TRIM37: variants seen among roughly 807,000 people sequenced by gnomAD.
The protein encoded by TRIM37 is tripartite motif containing 37.
A neutral mutation model predicts 129.8 loss-of-function variants in TRIM37; 80 were observed. The observed-to-expected ratio is 0.62, with a 90% CI of 0.51 to 0.74. TRIM37 has a LOEUF of 0.74. Ranked by LOEUF, TRIM37 falls within the 30% of genes least tolerant of loss-of-function variation. The pLI is 0.00. For synonymous variants in TRIM37, 389 were observed against 387.1 expected, an observed-to-expected ratio of 1.00 and a Z score of -0.06; for missense variants, 1,054 against 1,176.5, an observed-to-expected ratio of 0.90 and a Z score of 1.52.
chr17:59,059,280 G>T (rs997204057), intron 12 of TRIM37: 2 of 140,696 alleles, frequency 1.4e-5, no homozygotes, highest in Non-Finnish European at 3.1e-5. Flanking sequence ...GGCTGAGGCA[G>T]GAGAATTGCT....
Position 59,070,957 on chromosome 17 carries a change from GA to G in TRIM37, c.685-11del. 2 of 1,611,886 alleles carry G rather than the reference GA, an allele frequency of 1.2e-6. No individual in the cohort carries two copies. Among genetic ancestry groups the G allele is most frequent in the South Asian group, 1.1e-5 (1 of 90,454 alleles). ...TACTACAAGACCGCAACTGTGTGAG[GA>G]AAAAAATTATCTGAACAAACAAAAT... On this transcript the variant is annotated splice_polypyrimidine_tract_variant and intron_variant, in intron 8 of 23. Transcript: ENST00000262294.
At chr17:59,025,159 C>A (rs191811814) in intron 19 of TRIM37, among the ~76,000 whole-genome samples, 392 of 152,134 alleles carry the variant, frequency 2.6e-3, no homozygotes, top group Non-Finnish European at 4.4e-3. Flanking sequence ...CATATTGCAT[C>A]ATATTTCAAA....
Position 59,015,796 on chromosome 17 carries a change from G to A in TRIM37, c.2390C>T (p.Ser797Phe), listed in dbSNP as rs142315375. 13 of 1,612,594 alleles carry A rather than the reference G, an allele frequency of 8.1e-6. No homozygotes were observed. The African/African-American group carries it at 1.7e-4, about 22-fold the overall frequency. The change falls in exon 21 of 24, where the codon TCC becomes TTC. Residue 797 changes from serine (S) to phenylalanine (F), a missense_variant. Around this residue, in one of 3 missense-constraint regions of TRIM37, gnomAD observed 287 missense variants for 274.3 expected, o/e 1.05. Coordinates refer to ENST00000262294, the MANE Select transcript of TRIM37 (RefSeq NM_015294.6). ...GCTCCCAGACTGAGAGCTTCCTGGG[G>A]AGCCTTCAAAAAAAGGAAGATGGAA... ...KGDCQTLSEG[S>F]PGSSQSGSRH... is the part of the protein sequence containing the mutation.
chr17:59,104,578 C>T (rs2045820825), intron 1 of TRIM37, 184 bp from the exon 2 acceptor site: 8 of 755,314 alleles, frequency 1.1e-5, no homozygotes, highest in East Asian at 5.0e-5. Flanking sequence ...AATGTACTCC[C>T]GTTTGGTTTC....
At chr17:59,032,897 G>A (rs184037179) in intron 17 of TRIM37, among the ~76,000 whole-genome samples, 2 of 152,102 alleles carry the variant, frequency 1.3e-5, no homozygotes, top group African/African-American at 4.8e-5. Context: ...AAATAATGGG[G>A]TACAATTTGA....
chr17:58,986,128 G>A (rs966470677), intron 24 of TRIM37, among the ~76,000 whole-genome samples: 2 of 152,144 alleles, frequency 1.3e-5, no homozygotes, highest in Non-Finnish European at 2.9e-5. Flanking sequence ...AGAAACAACT[G>A]TCTGTACTGA....
At chr17:59,002,932 G>A (rs745953536) in intron 22 of TRIM37, among the ~76,000 whole-genome samples, 1 of 152,160 alleles carries the variant, frequency 6.6e-6, no homozygotes, top group Non-Finnish European at 1.5e-5. Context: ...TGTTACCCAG[G>A]CTGGAGTACA....
intron 17 of TRIM37, among the ~76,000 whole-genome samples, chr17:59,032,761 G>C (rs535857208): frequency 4.6e-5 from 7 of 152,138 alleles, no homozygotes; most frequent in African/African-American, 1.7e-4. Context: ...TTAGATAAAA[G>C]AAGACAAATT....
intron 17 of TRIM37, among the ~76,000 whole-genome samples, chr17:59,036,278 C>T (rs929507962): frequency 2.0e-5 from 3 of 152,040 alleles, no homozygotes; most frequent in African/African-American, 4.8e-5. Context: ...CATCTGCAGA[C>T]GTCTTCTTAT....
intron 22 of TRIM37, among the ~76,000 whole-genome samples, chr17:59,006,553 C>G (rs554470022): frequency 6.6e-6 from 1 of 152,274 alleles, no homozygotes; most frequent in South Asian, 2.1e-4. Flanking sequence ...TCCCTTACCA[C>G]ATATCCATGT....
At chr17:59,089,044 T>C in intron 3 of TRIM37, among the ~76,000 whole-genome samples, 1 of 151,880 alleles carries the variant, frequency 6.6e-6, no homozygotes, top group Non-Finnish European at 1.5e-5. Context: ...GGTAGATTGC[T>C]TGAGCCCAGG....
downstream of TRIM37, chr17:58,981,059 C>T (rs1176972793): frequency 6.8e-7 from 1 of 1,470,764 alleles, no homozygotes; most frequent in Non-Finnish European, 9.2e-7. Context: ...TTAGCTAGCT[C>T]TCCCCCAATA....
rs188427503 is a variant in TRIM37, at chr17:58,983,112, G to T, written c.2892-191C>A. The T allele has an allele frequency of 1.2e-4, 69 of 558,584 alleles. No individual in the cohort carries two copies. The African/African-American group carries it at 1.3e-3, about 10-fold the overall frequency. The allele number at this position is 558,584 out of a possible 1,614,324, so 34.6% of individuals were successfully genotyped here. A position where few individuals can be genotyped will look rare whatever the true frequency, so the allele number is the denominator to read the frequency against. Reference sequence around the variant, plus strand: ...GGCTTTCTCAGTGGGGAAAAAAATGGCTGGATAGAACTGGGACAAACACAG... The same window carrying T: ...GGCTTTCTCAGTGGGGAAAAAAATGTCTGGATAGAACTGGGACAAACACAG... On this transcript the variant is annotated intron_variant, in intron 24 of 24. Transcript: ENST00000393066.
At chr17:59,024,752 G>A (rs1217721433) in intron 19 of TRIM37, among the ~76,000 whole-genome samples, 1 of 152,200 alleles carries the variant, frequency 6.6e-6, no homozygotes, top group Non-Finnish European at 1.5e-5. Flanking sequence ...GAACTCCTGG[G>A]CTCAAGAAGC....
At chr17:59,039,350 CT>C (rs71145516) in intron 17 of TRIM37, among the ~76,000 whole-genome samples, 23,398 of 144,244 alleles carry the variant, frequency 0.16, 2,121 homozygotes, top group Non-Finnish European at 0.21. Flanking sequence ...GATGGCCAGT[CT>C]TTTTTTTTTT....
chr17:59,031,253 T>A (rs2037813738), intron 18 of TRIM37, among the ~76,000 whole-genome samples: 1 of 152,206 alleles, frequency 6.6e-6, no homozygotes, highest in East Asian at 1.9e-4. Flanking sequence ...TAGAAAAATA[T>A]TTGGCATATA....
intron 12 of TRIM37, chr17:59,059,404 C>G (rs1241595523): frequency 6.6e-6 from 1 of 152,386 alleles, no homozygotes. Flanking sequence ...GAGACAGGGT[C>G]TCACTCTGTC....
chr17:59,095,651 T>C (rs2147418712), intron 2 of TRIM37, among the ~76,000 whole-genome samples: 1 of 152,272 alleles, frequency 6.6e-6, no homozygotes, highest in Admixed American at 6.5e-5. Flanking sequence ...ATACAAAATT[T>C]CTTACATCCC....
chr17:59,091,692 T>C (rs553567022), intron 2 of TRIM37, among the ~76,000 whole-genome samples: 2 of 147,100 alleles, frequency 1.4e-5, no homozygotes, highest in Admixed American at 1.4e-4. Flanking sequence ...GGTTTAACTC[T>C]CTAGTGCTTA....
Sources: allele counts gnomAD v4.1 joint callset (sites outside exome capture counted in the v4.1 genomes callset), GRCh38; gene constraint gnomAD v4.1.1; regional missense constraint gnomAD v4.1.1; transcripts MANE v1.5; gene names NCBI Gene and HGNC (gene_info 2026-07-23, HGNC 2026-07-21).